The following ART3 variants were observed in gnomAD, a reference collection of about 807,000 sequenced individuals.
ART3 encodes ADP-ribosyltransferase 3 (inactive).
ART3 carries 49 observed loss-of-function variants against 48.5 expected under a neutral mutation model. That is an observed-to-expected ratio of 1.01 (90% confidence interval 0.80 to 1.28). ART3 has a LOEUF of 1.28. Ranked by LOEUF, ART3 falls within the 50% of genes most tolerant of loss-of-function variation. The pLI, the probability that ART3 is intolerant of heterozygous loss-of-function variation, is 0.00. For missense variants in ART3, 438 were observed against 454.3 expected (o/e 0.96, Z 0.33); for synonymous variants, 145 against 157.2 (o/e 0.92, Z 0.58).
rs535448697 is a variant in ART3, at chr4:76,094,657, A to G, written c.782-2987A>G. Among the ~76,000 whole-genome samples, 22 of 152,266 alleles carry G rather than the reference A, an allele frequency of 1.4e-4. No homozygotes were observed. In the East Asian group the frequency reaches 3.5e-3, roughly 24 times the overall value. On this transcript the variant is annotated intron_variant, in intron 3 of 11. Transcript: ENST00000355810. ...ACTCTACCTAATGCCTGTGAATTATAAGGTTTTCCAGCCTGGTTGATGGGA... is the reference window on the plus strand; with the variant it reads ...ACTCTACCTAATGCCTGTGAATTATGAGGTTTTCCAGCCTGGTTGATGGGA...
chr4:76,043,699 A>G (rs149834326), intron 1 of ART3, among the ~76,000 whole-genome samples: 90,707 of 148,368 alleles, frequency 0.61, 29,078 homozygotes, highest in East Asian at 0.94. Context: ...TGAGCGAGCC[A>G]GCTCCGGCCT....
intron 2 of ART3, among the ~76,000 whole-genome samples, chr4:76,077,315 A>G (rs1721327281): frequency 6.6e-6 from 1 of 152,184 alleles, no homozygotes; most frequent in Non-Finnish European, 1.5e-5. Flanking sequence ...TTCACTTAGC[A>G]TAATGTTCTC....
intron 2 of ART3, among the ~76,000 whole-genome samples, chr4:76,078,554 G>A (rs917901874): frequency 3.9e-5 from 6 of 152,090 alleles, no homozygotes; most frequent in African/African-American, 9.7e-5. Context: ...CCAGGACTAC[G>A]GGGGTCTTAA....
chr4:76,022,041 A>G lies in ART3; in HGVS notation c.-10+10721A>G, dbSNP rs41401145. On this transcript the variant is annotated intron_variant, in intron 1 of 9. Transcript: ENST00000341029. Reference sequence around the variant, plus strand: ...GGAAAGTACCGAGTTCATAGAATAGATAACTGAGCTTTCCTGCTGCTATGC... The same window carrying G: ...GGAAAGTACCGAGTTCATAGAATAGGTAACTGAGCTTTCCTGCTGCTATGC... 1.7e-4 allele frequency: 205 copies of G among 1,194,556 alleles called. 1 individual carries two copies. In the East Asian group the frequency reaches 3.9e-3, roughly 23 times the overall value. 74.0% of individuals were successfully genotyped at this position (1,194,556 alleles called of 1,614,324 possible).
intron 10 of ART3, 52 bp from the exon 11 acceptor site, chr4:76,107,709 C>T (rs953857819): frequency 2.4e-6 from 3 of 1,246,240 alleles, no homozygotes; most frequent in Non-Finnish European, 2.3e-6. Flanking sequence ...TCTTTCTTTT[C>T]TGGATAAACA....
chr4:76,042,727 G>T (rs1054939245), intron 1 of ART3, among the ~76,000 whole-genome samples: 1 of 151,958 alleles, frequency 6.6e-6, no homozygotes, highest in Admixed American at 6.6e-5. Context: ...GACTTTCGCG[G>T]TGAGTGTTAC....
At chr4:76,092,225 A>G (rs369445978) in intron 3 of ART3, among the ~76,000 whole-genome samples, 6 of 152,276 alleles carry the variant, frequency 3.9e-5, no homozygotes, top group African/African-American at 1.4e-4. Context: ...TACTTTTCCA[A>G]CTCATGAACA....
At chr4:76,111,234 T>A (rs1729416463) in intron 11 of ART3, among the ~76,000 whole-genome samples, 1 of 152,190 alleles carries the variant, frequency 6.6e-6, no homozygotes, top group Admixed American at 6.5e-5. Flanking sequence ...TTCTCCTGTA[T>A]TTTTTGTCAT....
intron 1 of ART3, among the ~76,000 whole-genome samples, chr4:76,019,696 C>T (rs912602304): frequency 2.7e-5 from 4 of 150,472 alleles, no homozygotes; most frequent in African/African-American, 9.8e-5. Context: ...CCTCGTGATC[C>T]ACCCATCTCG....
Position 76,066,647 on chromosome 4 carries a change from T to G in ART3, c.-9-9234T>G, listed in dbSNP as rs573725836. 1.1e-4 allele frequency among the ~76,000 whole-genome samples: 17 copies of G among 152,120 alleles called. No homozygotes were observed. In the East Asian group the frequency reaches 2.9e-3, roughly 26 times the overall value. Reference sequence around the variant, plus strand: ...TTTATGGACCTCAGAGGGGAGGAAGTGCACACTGGTTGGCCCATGGGTGGT... The same window carrying G: ...TTTATGGACCTCAGAGGGGAGGAAGGGCACACTGGTTGGCCCATGGGTGGT... On this transcript the variant is annotated intron_variant, in intron 1 of 9. Coordinates refer to the ART3 transcript ENST00000341029.
chr4:76,087,550 A>G (rs764336821), intron 3 of ART3, among the ~76,000 whole-genome samples: 8 of 152,138 alleles, frequency 5.3e-5, no homozygotes, highest in Non-Finnish European at 8.8e-5. Context: ...AAAAAAGACA[A>G]TGTTTCTAAA....
At chr4:76,090,721 GA>G (rs917510156) in intron 3 of ART3, among the ~76,000 whole-genome samples, 15 of 150,852 alleles carry the variant, frequency 9.9e-5, no homozygotes, top group South Asian at 4.2e-4. Flanking sequence ...TCATAATTAA[GA>G]AAAAAAAATT....
chr4:76,089,238 G>A (rs1028383060), intron 3 of ART3, among the ~76,000 whole-genome samples: 2 of 151,776 alleles, frequency 1.3e-5, no homozygotes, highest in Non-Finnish European at 2.9e-5. Context: ...TGCTTTTTGC[G>A]ACAACAATTG....
At chr4:76,090,579 C>T (rs368696123) in intron 3 of ART3, among the ~76,000 whole-genome samples, 6 of 152,300 alleles carry the variant, frequency 3.9e-5, no homozygotes, top group African/African-American at 1.4e-4. Context: ...ATGTTTCTAA[C>T]TGTAGACTTC....
chr4:76,046,836 C>T (rs10025201), intron 1 of ART3, among the ~76,000 whole-genome samples: 89,787 of 151,820 alleles, frequency 0.59, 27,709 homozygotes, highest in East Asian at 0.94. Context: ...TACCTGGTTA[C>T]AGGCTGTCCC....
At position 76,082,493 on chromosome 4, in the gene ART3, A is replaced by C; in HGVS notation, c.739A>C (p.Ile247Leu). Residue 247 changes from isoleucine (I) to leucine (L), a missense_variant, in exon 3 of 12, where the codon ATA becomes CTA. Transcript: ENST00000355810. Reference protein sequence around the residue: ...GAGNNLILQSINKTCSHYECA... With the variant: ...GAGNNLILQSLNKTCSHYECA... ...TGGCAATAACCTTATCCTTCAAAGCATAAACAAGACCTGCAGCCATTATGA... is the reference window on the plus strand; with the variant it reads ...TGGCAATAACCTTATCCTTCAAAGCCTAAACAAGACCTGCAGCCATTATGA... The C allele has an allele frequency of 2.5e-6, 4 of 1,607,284 alleles. No individual in the cohort carries two copies. Among genetic ancestry groups the C allele is most frequent in the Non-Finnish European group, 3.4e-6 (4 of 1,176,894 alleles).
Position 76,075,884 on chromosome 4 carries a change from A to G in ART3, c.-6A>G, listed in dbSNP as rs1316809033. ...AAATTTCTTTATTTTAATTTAGAAG[A>G]GAAAAATGAAGACGGGACATTTTGA... On this transcript the variant is annotated 5_prime_UTR_variant, in exon 2 of 12. Coordinates refer to ENST00000355810, the MANE Select transcript of ART3 (RefSeq NM_001130016.3). 1.2e-6 allele frequency: 2 copies of G among 1,609,758 alleles called. No individual in the cohort carries two copies. Among genetic ancestry groups the G allele is most frequent in the South Asian group, 1.1e-5 (1 of 90,500 alleles).
chr4:76,101,096 G>A, intron 8 of ART3, 77 bp downstream of exon 8: 2 of 1,558,610 alleles, frequency 1.3e-6, no homozygotes, highest in Non-Finnish European at 1.8e-6. Context: ...AGGGAAGAAT[G>A]TCGTGGTAAG....
intron 1 of ART3, among the ~76,000 whole-genome samples, chr4:76,049,247 T>C (rs550487083): frequency 6.6e-6 from 1 of 152,008 alleles, no homozygotes; most frequent in East Asian, 1.9e-4. Flanking sequence ...CAGGTAGCAA[T>C]TTTTAGAAGT....
Sources: allele counts gnomAD v4.1 joint callset (sites outside exome capture counted in the v4.1 genomes callset), GRCh38; gene constraint gnomAD v4.1.1; transcripts MANE v1.5; gene names NCBI Gene and HGNC (gene_info 2026-07-23, HGNC 2026-07-21).